Variants in SEMA5A observed in about 807,000 individuals in gnomAD.
The protein encoded by SEMA5A is semaphorin 5A, also known as semaphorin-5A.
A neutral mutation model predicts 135.5 loss-of-function variants in SEMA5A; 55 were observed. That is an observed-to-expected ratio of 0.41 (90% CI 0.33 to 0.51). SEMA5A has a LOEUF of 0.51. SEMA5A is among the 20% of genes least tolerant of loss of function. SEMA5A has a pLI of 0.37. For missense variants in SEMA5A, 1,290 were observed against 1,419.9 expected (o/e 0.91, Z 1.47); for synonymous variants, 580 against 546.5 (o/e 1.06, Z -0.85).
chr5:9,317,262 TA>T (rs761091209), intron 5 of SEMA5A, among the ~76,000 whole-genome samples: 2 of 152,162 alleles, frequency 1.3e-5, no homozygotes, highest in African/African-American at 2.4e-5. Context: ...ATCATCACTT[TA>T]AAAAATCAAG....
chr5:9,068,687 G>T (rs954579620), intron 16 of SEMA5A, among the ~76,000 whole-genome samples: 1 of 152,082 alleles, frequency 6.6e-6, no homozygotes, highest in East Asian at 1.9e-4. Context: ...ATGTTGTTTT[G>T]CCACTAACAA....
chr5:9,463,047 G>A (rs1327514556), intron 1 of SEMA5A, among the ~76,000 whole-genome samples: 2 of 151,034 alleles, frequency 1.3e-5, no homozygotes, highest in Non-Finnish European at 2.9e-5. Flanking sequence ...AATGCCTTTT[G>A]TGGATGCTTA....
intron 5 of SEMA5A, among the ~76,000 whole-genome samples, chr5:9,278,312 C>A (rs1342262049): frequency 6.6e-6 from 1 of 152,030 alleles, no homozygotes; most frequent in Non-Finnish European, 1.5e-5. Flanking sequence ...TTCTAAGCAG[C>A]AAAGCATTCA....
intron 4 of SEMA5A, among the ~76,000 whole-genome samples, chr5:9,325,795 C>T (rs1048586479): frequency 3.4e-5 from 5 of 146,488 alleles, no homozygotes; most frequent in African/African-American, 1.2e-4. Flanking sequence ...ACTCAATTGG[C>T]CTCTGATGAA....
At chr5:9,212,477 G>A (rs192205373) in intron 8 of SEMA5A, among the ~76,000 whole-genome samples, 4 of 152,274 alleles carry the variant, frequency 2.6e-5, no homozygotes, top group African/African-American at 9.6e-5. Flanking sequence ...TAATGTTCCA[G>A]ATTCATCCAG....
intron 5 of SEMA5A, among the ~76,000 whole-genome samples, chr5:9,291,017 C>T (rs1346959693): frequency 6.6e-6 from 1 of 152,196 alleles, no homozygotes; most frequent in Non-Finnish European, 1.5e-5. Context: ...CCAGCATCAA[C>T]TTACATTTTA....
chr5:9,403,430 G>C (rs1204489523), intron 2 of SEMA5A, among the ~76,000 whole-genome samples: 1 of 152,084 alleles, frequency 6.6e-6, no homozygotes, highest in Non-Finnish European at 1.5e-5. Context: ...AGGCACCCGA[G>C]TTTAAGTCTC....
At chr5:9,228,385 T>G (rs965201967) in intron 6 of SEMA5A, among the ~76,000 whole-genome samples, 6 of 152,194 alleles carry the variant, frequency 3.9e-5, no homozygotes, top group African/African-American at 1.4e-4. Flanking sequence ...GAGCAGACTG[T>G]GTCAAAGTGT....
At chr5:9,432,218 C>T (rs1326040872) in intron 2 of SEMA5A, among the ~76,000 whole-genome samples, 1 of 152,176 alleles carries the variant, frequency 6.6e-6, no homozygotes, top group East Asian at 1.9e-4. Context: ...TTCCATCAGG[C>T]TGAGTACACA....
intron 1 of SEMA5A, among the ~76,000 whole-genome samples, chr5:9,536,889 G>C (rs1737798701): frequency 1.3e-5 from 2 of 152,150 alleles, no homozygotes; most frequent in African/African-American, 2.4e-5. Flanking sequence ...ACAGTGACAG[G>C]AGGACAGGAG....
At chr5:9,383,143 A>G (rs936299062) in intron 2 of SEMA5A, among the ~76,000 whole-genome samples, 6 of 152,240 alleles carry the variant, frequency 3.9e-5, no homozygotes, top group African/African-American at 1.4e-4. Flanking sequence ...CATTAAAACT[A>G]TGAGTTTCAC....
chr5:9,486,211 G>A (rs936192108), intron 1 of SEMA5A, among the ~76,000 whole-genome samples: 4 of 152,096 alleles, frequency 2.6e-5, no homozygotes, highest in Non-Finnish European at 5.9e-5. Flanking sequence ...ATAAGTGGGA[G>A]GTGAACAATG....
At chr5:9,384,599 GATAGATAGATAGATAGATACAT>G (rs1755767822) in intron 2 of SEMA5A, among the ~76,000 whole-genome samples, 5 of 112,780 alleles carry the variant, frequency 4.4e-5, no homozygotes, top group African/African-American at 2.0e-4. Flanking sequence ...TAGATAGATA[GATAGATAGATAGATAGATACAT>G]AGATAGATAG....
At chr5:9,391,542 C>T (rs1756160867) in intron 2 of SEMA5A, among the ~76,000 whole-genome samples, 1 of 152,180 alleles carries the variant, frequency 6.6e-6, no homozygotes, top group South Asian at 2.1e-4. Flanking sequence ...TTCGCCATCA[C>T]AGCTGGAGTC....
chr5:9,221,174 T>C (rs1316284526), intron 8 of SEMA5A, among the ~76,000 whole-genome samples: 1 of 152,140 alleles, frequency 6.6e-6, no homozygotes, highest in African/African-American at 2.4e-5. Flanking sequence ...ATTTAATGGG[T>C]CCTTAAAATC....
chr5:9,082,794 A>G (rs1009224208), intron 16 of SEMA5A, among the ~76,000 whole-genome samples: 2 of 152,216 alleles, frequency 1.3e-5, no homozygotes, highest in African/African-American at 4.8e-5. Context: ...TGGAGAAATC[A>G]TCCTTTCTTC....
chr5:9,506,526 C>T (rs985643297), intron 1 of SEMA5A, among the ~76,000 whole-genome samples: 2 of 152,122 alleles, frequency 1.3e-5, no homozygotes, highest in African/African-American at 2.4e-5. Flanking sequence ...TAATGAACAA[C>T]GAAATATGGC....
chr5:9,537,514 G>T (rs1482164863), intron 1 of SEMA5A, among the ~76,000 whole-genome samples: 1 of 152,146 alleles, frequency 6.6e-6, no homozygotes, highest in Non-Finnish European at 1.5e-5. Flanking sequence ...CATCTAATCA[G>T]CAGAAGGAAA....
At chr5:9,252,439 G>A (rs112216284) in intron 5 of SEMA5A, among the ~76,000 whole-genome samples, 1 of 152,140 alleles carries the variant, frequency 6.6e-6, no homozygotes, top group African/African-American at 2.4e-5. Flanking sequence ...AATAACAGAG[G>A]TCAAGACAAA....
Sources: gnomAD v4.1 joint callset for allele counts (sites outside exome capture counted in the v4.1 genomes callset) on GRCh38, gnomAD v4.1.1 for gene constraint, MANE v1.5 for transcripts, NCBI Gene and HGNC (gene_info 2026-07-23, HGNC 2026-07-21) for gene names.